Variants in ACBD6 observed in about 807,000 individuals in gnomAD.
ACBD6 encodes acyl-CoA binding domain containing 6.
A neutral mutation model predicts 37.2 loss-of-function variants in ACBD6; 28 were observed. The observed-to-expected ratio is 0.75, with a 90% CI of 0.56 to 1.03. The LOEUF (loss-of-function observed/expected upper bound fraction) is 1.03. ACBD6 is among the 50% of genes least tolerant of loss of function. The pLI, the probability that ACBD6 is intolerant of heterozygous loss-of-function variation, is 0.00. For synonymous variants in ACBD6, 113 were observed against 126.8 expected (o/e 0.89, Z 0.73); for missense variants, 340 against 337.4 (o/e 1.01, Z -0.06).
intron 6 of ACBD6, among the ~76,000 whole-genome samples, chr1:180,365,981 G>T (rs1337124475): frequency 6.6e-6 from 1 of 152,018 alleles, no homozygotes. Flanking sequence ...AAATTGCTTG[G>T]TCTCATTTGC....
At chr1:180,285,152 C>A (rs968062286), downstream of ACBD6, among the ~76,000 whole-genome samples, 2 of 151,986 alleles carry the variant, frequency 1.3e-5, no homozygotes, top group Non-Finnish European at 2.9e-5. Context: ...GACGAAAAAA[C>A]CCAAAAAACG....
intron 6 of ACBD6, among the ~76,000 whole-genome samples, chr1:180,377,949 AAATAATAAT>A (rs71118455): frequency 4.3e-4 from 62 of 143,390 alleles, no homozygotes; most frequent in Middle Eastern, 3.6e-3. Context: ...CTCTGTCTCA[AAATAATAAT>A]AATAATAATA....
At chr1:180,393,812 A>G (rs898489610) in intron 6 of ACBD6, among the ~76,000 whole-genome samples, 1 of 152,252 alleles carries the variant, frequency 6.6e-6, no homozygotes, top group African/African-American at 2.4e-5. Flanking sequence ...GCTGGTGGCT[A>G]CACACAATGG....
At chr1:180,460,897 G>A (rs1650120225) in intron 3 of ACBD6, among the ~76,000 whole-genome samples, 1 of 152,156 alleles carries the variant, frequency 6.6e-6, no homozygotes, top group Non-Finnish European at 1.5e-5. Context: ...GGCTGAGGCT[G>A]ACATGGCTGA....
chr1:180,448,841 A>C (rs1312842345), intron 3 of ACBD6, among the ~76,000 whole-genome samples: 2 of 152,158 alleles, frequency 1.3e-5, no homozygotes, highest in African/African-American at 4.8e-5. Flanking sequence ...TTTTTTTAAA[A>C]TATAAATCTG....
chr1:180,417,805 A>G (rs1307453192), intron 4 of ACBD6, among the ~76,000 whole-genome samples: 1 of 152,090 alleles, frequency 6.6e-6, no homozygotes. Context: ...TTTCTAGGAT[A>G]AAAGCTGGCA....
At chr1:180,486,913 T>C (rs914444998) in intron 3 of ACBD6, among the ~76,000 whole-genome samples, 1 of 152,046 alleles carries the variant, frequency 6.6e-6, no homozygotes, top group African/African-American at 2.4e-5. Context: ...TTCTTGAAAA[T>C]GTATAATCTA....
At chr1:180,303,175 C>T (rs1373780459) in intron 7 of ACBD6, among the ~76,000 whole-genome samples, 1 of 149,136 alleles carries the variant, frequency 6.7e-6, no homozygotes, top group Non-Finnish European at 1.5e-5. Context: ...AATTGACACC[C>T]TAACATCACA....
In ACBD6 at chr1:180,398,463, G is replaced by A. The variant is rs549713298; in HGVS notation, c.574-858C>T. 2.6e-5 allele frequency among the ~76,000 whole-genome samples: 4 copies of A among 152,152 alleles called. No individual in the cohort carries two copies. In the South Asian group the frequency reaches 8.3e-4, roughly 32 times the overall value. On this transcript the variant is annotated intron_variant, in intron 5 of 7. Coordinates refer to ENST00000367595, the MANE Select transcript of ACBD6 (RefSeq NM_032360.4). Reference sequence around the variant, plus strand: ...AAAATAAGCATTTCTCCTTACTATTGCAAGTTTACACTCTGAAATACCTCA... The same window carrying A: ...AAAATAAGCATTTCTCCTTACTATTACAAGTTTACACTCTGAAATACCTCA...
At chr1:180,375,069 CAA>C (rs1653385029) in intron 6 of ACBD6, among the ~76,000 whole-genome samples, 1 of 151,912 alleles carries the variant, frequency 6.6e-6, no homozygotes, top group Non-Finnish European at 1.5e-5. Flanking sequence ...ATAAAAATAC[CAA>C]TAAGCTATTT....
At chr1:180,427,913 T>A (rs1648653020) in intron 4 of ACBD6, among the ~76,000 whole-genome samples, 1 of 136,702 alleles carries the variant, frequency 7.3e-6, no homozygotes, top group African/African-American at 3.1e-5. Flanking sequence ...AGCAAGACTC[T>A]GTCTCAAAAA....
At chr1:180,406,030 C>T (rs1239917694) in intron 5 of ACBD6, among the ~76,000 whole-genome samples, 1 of 152,028 alleles carries the variant, frequency 6.6e-6, no homozygotes, top group Non-Finnish European at 1.5e-5. Context: ...TAAAAAAGTA[C>T]ATATGACACC....
At chr1:180,333,996 G>A (rs1428799427) in intron 6 of ACBD6, among the ~76,000 whole-genome samples, 3 of 152,238 alleles carry the variant, frequency 2.0e-5, no homozygotes, top group Non-Finnish European at 1.5e-5. Context: ...CGAGGCTTGA[G>A]TAGGTAAACA....
chr1:180,434,303 C>A (rs924124526), intron 3 of ACBD6, among the ~76,000 whole-genome samples: 10 of 152,132 alleles, frequency 6.6e-5, no homozygotes, highest in African/African-American at 2.4e-4. Context: ...AGAGAGCAGA[C>A]CCTGGAAGAA....
intron 3 of ACBD6, among the ~76,000 whole-genome samples, chr1:180,445,427 C>T (rs921955327): frequency 2.4e-4 from 36 of 152,174 alleles, no homozygotes; most frequent in African/African-American, 8.7e-4. Context: ...GGAATATTTT[C>T]TATGTGCTTA....
chr1:180,402,501 T>C (rs1217393199), intron 5 of ACBD6, among the ~76,000 whole-genome samples: 1 of 152,254 alleles, frequency 6.6e-6, no homozygotes, highest in East Asian at 1.9e-4. Flanking sequence ...GTCAGGAAAT[T>C]GAGAAAGATT....
intron 6 of ACBD6, among the ~76,000 whole-genome samples, chr1:180,384,709 CT>C (rs1466873168): frequency 6.6e-6 from 1 of 152,156 alleles, no homozygotes; most frequent in Non-Finnish European, 1.5e-5. Flanking sequence ...TTGATGTTCA[CT>C]GTAGCACTAT....
At chr1:180,490,785 CAAAAAAAAAAA>C (rs78365337) in intron 3 of ACBD6, among the ~76,000 whole-genome samples, 1 of 75,464 alleles carries the variant, frequency 1.3e-5, no homozygotes, top group South Asian at 4.0e-4. Context: ...GACTCTGTCT[CAAAAAAAAAAA>C]AAAAGAAAAA....
rs563718552 is a variant in ACBD6, at chr1:180,300,739, T to A, written c.695-12222A>T. On this transcript the variant is annotated intron_variant, in intron 7 of 7. Coordinates refer to ENST00000367595, the MANE Select transcript of ACBD6 (RefSeq NM_032360.4). ...TTGAATCAGGGATAATTTTTATTAATGTATAAACTCTTGGTGAACAGAAAT... is the reference window on the plus strand; with the variant it reads ...TTGAATCAGGGATAATTTTTATTAAAGTATAAACTCTTGGTGAACAGAAAT... Among the ~76,000 whole-genome samples the A allele has an allele frequency of 4.6e-5, 7 of 152,292 alleles. No individual in the cohort carries two copies. The South Asian group carries it at 1.4e-3, about 32-fold the overall frequency.
Sources: gnomAD v4.1 joint callset for allele counts (sites outside exome capture counted in the v4.1 genomes callset) on GRCh38, gnomAD v4.1.1 for gene constraint, MANE v1.5 for transcripts, NCBI Gene and HGNC (gene_info 2026-07-23, HGNC 2026-07-21) for gene names.